The following ZNF728 variants were observed in gnomAD, a reference collection of about 807,000 sequenced individuals.
ZNF728 encodes zinc finger protein 728.
A neutral mutation model predicts 12.5 loss-of-function variants in ZNF728; 12 were observed. The observed-to-expected ratio is 0.96, with a 90% CI of 0.61 to 1.55. ZNF728 has a LOEUF of 1.55. ZNF728 is among the 40% of genes most tolerant of loss of function. ZNF728 has a pLI of 0.00. For synonymous variants in ZNF728, 205 were observed against 240.7 expected (o/e 0.85, Z 1.37); for missense variants, 692 against 719.2 (o/e 0.96, Z 0.43).
chr19:22,987,817 CA>C (rs1317013401), intron 2 of ZNF728, among the ~76,000 whole-genome samples: 1 of 151,978 alleles, frequency 6.6e-6, no homozygotes, highest in Non-Finnish European at 1.5e-5. Flanking sequence ...CATAAATTAC[CA>C]AAAAGAAATT....
intron 3 of ZNF728, among the ~76,000 whole-genome samples, chr19:22,985,347 C>G (rs1968904804): frequency 6.6e-6 from 1 of 152,112 alleles, no homozygotes; most frequent in African/African-American, 2.4e-5. Context: ...AATGAGAGAA[C>G]CAGGCAGCAT....
At chr19:22,999,013 G>C (rs1238961669) in intron 1 of ZNF728, among the ~76,000 whole-genome samples, 1 of 152,108 alleles carries the variant, frequency 6.6e-6, no homozygotes, top group South Asian at 2.1e-4. Flanking sequence ...TGAACTCTGA[G>C]CTATGCTCAG....
intron 3 of ZNF728, among the ~76,000 whole-genome samples, chr19:22,983,196 A>T (rs1674686111): frequency 6.6e-6 from 1 of 152,168 alleles, no homozygotes; most frequent in African/African-American, 2.4e-5. Context: ...AAAGTGGGCA[A>T]AGGATATGAA....
chr19:22,994,675 G>A (rs1969030281), intron 1 of ZNF728, among the ~76,000 whole-genome samples: 1 of 152,206 alleles, frequency 6.6e-6, no homozygotes, highest in South Asian at 2.1e-4. Context: ...ACATCTTCAT[G>A]ACTGGAGGTA....
chr19:22,996,517 C>T (rs973900787), intron 1 of ZNF728, among the ~76,000 whole-genome samples: 1 of 152,128 alleles, frequency 6.6e-6, no homozygotes, highest in Non-Finnish European at 1.5e-5. Context: ...TTCTGCATTG[C>T]TAAATTTATT....
rs147434242 is a variant in ZNF728 at position 22,988,932 on chromosome 19, T to G, written c.4-481A>C. 8.8e-4 allele frequency among the ~76,000 whole-genome samples: 134 copies of G among 151,708 alleles called. 1 individual carries two copies. The highest frequency in any genetic ancestry group is 3.2e-3 in the African/African-American group (131 of 41,354). On this transcript the variant is annotated intron_variant, in intron 1 of 3. Transcript: ENST00000594710. ...TGGGTGTGGTGGTGTGTGCTTGTAA[T>G]TCTAGCTACTTGGGAGGCTGAGGCA...
At chr19:22,997,818 T>TA (rs1273172970) in intron 1 of ZNF728, among the ~76,000 whole-genome samples, 3 of 150,388 alleles carry the variant, frequency 2.0e-5, no homozygotes, top group African/African-American at 7.3e-5. Flanking sequence ...ACATTACCAC[T>TA]AACCTCACAA....
At chr19:22,986,198 T>C (rs1968915058) in intron 3 of ZNF728, among the ~76,000 whole-genome samples, 1 of 152,164 alleles carries the variant, frequency 6.6e-6, no homozygotes, top group Admixed American at 6.6e-5. Context: ...CGCCTTCAAA[T>C]TGAGACACCA....
chr19:22,989,596 C>T (rs1968961559), intron 1 of ZNF728, among the ~76,000 whole-genome samples: 1 of 152,036 alleles, frequency 6.6e-6, no homozygotes, highest in South Asian at 2.1e-4. Flanking sequence ...TTATAATGTC[C>T]TGATGCACCC....
chr19:22,993,306 G>A (rs1969010617), intron 1 of ZNF728, among the ~76,000 whole-genome samples: 1 of 152,202 alleles, frequency 6.6e-6, no homozygotes, highest in South Asian at 2.1e-4. Flanking sequence ...GTCTGGCCCT[G>A]CCTTGTAAAT....
At chr19:22,977,705 G>C (rs1407337966) in intron 3 of ZNF728, among the ~76,000 whole-genome samples, 2 of 152,094 alleles carry the variant, frequency 1.3e-5, no homozygotes, top group Non-Finnish European at 2.9e-5. Flanking sequence ...TTTAACTAAA[G>C]GTAAGCACAA....
intron 1 of ZNF728, among the ~76,000 whole-genome samples, chr19:22,996,404 C>T (rs1359747055): frequency 1.3e-5 from 2 of 152,182 alleles, no homozygotes; most frequent in Non-Finnish European, 2.9e-5. Context: ...ATACACTGAA[C>T]TCTTCTGGCT....
At chr19:22,979,964 T>C (rs1469063848) in intron 3 of ZNF728, among the ~76,000 whole-genome samples, 1 of 151,896 alleles carries the variant, frequency 6.6e-6, no homozygotes, top group Non-Finnish European at 1.5e-5. Flanking sequence ...ATGGGCAAAA[T>C]AACCAGCTAG....
chr19:22,982,706 C>T (rs2145337114), intron 3 of ZNF728, among the ~76,000 whole-genome samples: 1 of 152,076 alleles, frequency 6.6e-6, no homozygotes. Context: ...GAAATAACAA[C>T]ACAGATCTAC....
intron 1 of ZNF728, among the ~76,000 whole-genome samples, chr19:22,989,345 G>A (rs1019353290): frequency 6.6e-6 from 1 of 151,910 alleles, no homozygotes; most frequent in Non-Finnish European, 1.5e-5. Flanking sequence ...ATGAGCCTGT[G>A]TTTTTCTCAG....
rs756208714 is a variant in ZNF728, at chr19:22,976,898, A to C, written c.439T>G (p.Cys147Gly). 1 of 1,613,476 alleles carries C rather than the reference A, an allele frequency of 6.2e-7. No homozygotes were observed. The highest frequency in any genetic ancestry group is 8.5e-7 in the Non-Finnish European group (1 of 1,179,728). ...TGAAAGATGTTTGCATATTTGCCAC[A>C]TTGAAATACTTTGCTTTGTGTAGTT... ...LTTTQSKVFQ[C>G]GKYANIFHKC... The change falls in exon 4 of 4, where the codon TGT (cysteine) becomes GGT (glycine). Residue 147 changes from cysteine (C) to glycine (G), a missense_variant. By Grantham distance (159) the Cys-to-Gly change is radical. This residue lies in a region of ZNF728 where 440 missense variants were observed against 459.6 expected (regional missense o/e 0.96). Transcript: ENST00000594710.
rs1968777881 is a variant in ZNF728, at chr19:22,975,013, C to G, written c.*455G>C. Reference sequence around the variant, plus strand: ...CAGTATGAGATATCTTACCTACAATCAAGTGTGACAGCCATTTAAAGGCTT... The same window carrying G: ...CAGTATGAGATATCTTACCTACAATGAAGTGTGACAGCCATTTAAAGGCTT... On this transcript the variant is annotated 3_prime_UTR_variant, in exon 4 of 4. Transcript: ENST00000594710. Among the ~76,000 whole-genome samples the G allele has an allele frequency of 6.6e-6, 1 of 152,154 alleles. No individual in the cohort carries two copies. The highest frequency in any genetic ancestry group is 1.5e-5 in the Non-Finnish European group (1 of 68,012).
In ZNF728 at chr19:22,975,754, AC is replaced by A; in HGVS notation, c.1582del (p.Val528Ter). ...SKVANLTKHK[V>X]IHTGEKQYKC... Reference sequence around the variant, plus strand: ...GTATTGTTTCTCTCCAGTATGAATTACCTTATGTTTAGTAAGGTTTGCAACC... The same window carrying A: ...GTATTGTTTCTCTCCAGTATGAATTACTTATGTTTAGTAAGGTTTGCAACC... On this transcript the variant is annotated frameshift_variant, in exon 4 of 4. Transcript: ENST00000594710. LOFTEE classifies it low-confidence loss of function (END_TRUNC). 1 of 1,604,732 alleles carries A rather than the reference AC, an allele frequency of 6.2e-7. No homozygotes were observed. Among genetic ancestry groups the A allele is most frequent in the South Asian group, 1.1e-5 (1 of 90,720 alleles).
chr19:22,990,388 C>A (rs1239589394), intron 1 of ZNF728, among the ~76,000 whole-genome samples: 2 of 152,198 alleles, frequency 1.3e-5, no homozygotes, highest in Admixed American at 1.3e-4. Context: ...CACAGGTCTA[C>A]CTGCTGTCAC....
Sources: gnomAD v4.1 joint callset for allele counts (sites outside exome capture counted in the v4.1 genomes callset) on GRCh38, gnomAD v4.1.1 for gene constraint, gnomAD v4.1.1 regional missense constraint, MANE v1.5 for transcripts, NCBI Gene and HGNC (gene_info 2026-07-23, HGNC 2026-07-21) for gene names.